The following DNA2 variants were observed in gnomAD, a reference collection of about 807,000 sequenced individuals.
DNA2 encodes the protein DNA replication helicase/nuclease 2.
A neutral mutation model predicts 119.1 loss-of-function variants in DNA2; 101 were observed. The ratio of observed to expected loss-of-function variants is 0.85; its 90% CI spans 0.72 to 1.00. The LOEUF (loss-of-function observed/expected upper bound fraction) is 1.00, where lower values mean the gene tolerates loss of function less well. Ranked by LOEUF, DNA2 falls within the 50% of genes least tolerant of loss-of-function variation. The probability of loss-of-function intolerance (pLI) is 0.00; values close to 1 mark genes in which losing one functional copy is unlikely to be tolerated. For synonymous variants in DNA2, 366 were observed against 424.4 expected, an observed-to-expected ratio of 0.86 and a Z score of 1.69; for missense variants, 1,121 against 1,255.5, an observed-to-expected ratio of 0.89 and a Z score of 1.62.
chr10:68,458,957 G>A (rs1171407317), intron 5 of DNA2, 147 bp downstream of exon 5: 1 of 636,656 alleles, frequency 1.6e-6, no homozygotes, highest in Non-Finnish European at 2.4e-6. Flanking sequence ...GTCATGGAAA[G>A]ATACTTAGGA....
chr10:68,459,362 A>C, intron 4 of DNA2, 127 bp from the exon 5 acceptor site: 1 of 931,552 alleles, frequency 1.1e-6, no homozygotes, highest in East Asian at 2.7e-5. Flanking sequence ...AAGCAACCCA[A>C]CTGTTCGTCA....
chr10:68,462,396 A>G (rs1397159536), intron 4 of DNA2, among the ~76,000 whole-genome samples: 1 of 152,228 alleles, frequency 6.6e-6, no homozygotes, highest in East Asian at 1.9e-4. Context: ...AAATGAATAT[A>G]CATGTTAATT....
At chr10:68,465,602 T>C (rs2052317402) in intron 4 of DNA2, 65 bp downstream of exon 4, 3 of 1,239,670 alleles carry the variant, frequency 2.4e-6, no homozygotes, top group East Asian at 5.0e-5. Flanking sequence ...ACAAATACTT[T>C]ATAGTTTCTA....
At chr10:68,442,823 T>G in intron 9 of DNA2, 94 bp downstream of exon 9, 1 of 1,044,536 alleles carries the variant, frequency 9.6e-7, no homozygotes, top group Non-Finnish European at 1.4e-6. Context: ...ATCTATAACA[T>G]GCTTCATAAC....
chr10:68,452,271 C>T (rs2052129022), intron 5 of DNA2, among the ~76,000 whole-genome samples: 2 of 151,896 alleles, frequency 1.3e-5, no homozygotes, highest in African/African-American at 2.4e-5. Context: ...TTTGCAGAGA[C>T]AGAGTCTACA....
chr10:68,452,048 C>T (rs2052125837), intron 5 of DNA2, among the ~76,000 whole-genome samples: 1 of 151,940 alleles, frequency 6.6e-6, no homozygotes, highest in Non-Finnish European at 1.5e-5. Flanking sequence ...GACAGTAGTG[C>T]AATTCAGAGA....
At chr10:68,469,471 C>T (rs1300579927) in intron 2 of DNA2, among the ~76,000 whole-genome samples, 1 of 146,882 alleles carries the variant, frequency 6.8e-6, no homozygotes, top group African/African-American at 2.5e-5. Flanking sequence ...ATTTTCTTTT[C>T]TTTTTTTTGA....
intron 19 of DNA2, among the ~76,000 whole-genome samples, chr10:68,417,652 CAAAA>C (rs575627007): frequency 8.8e-6 from 1 of 113,548 alleles, no homozygotes. Flanking sequence ...GATCTCATCT[CAAAA>C]AAAAAAAAAA....
intron 12 of DNA2, 103 bp downstream of exon 12, chr10:68,432,103 C>T: frequency 8.9e-7 from 1 of 1,119,524 alleles, no homozygotes; most frequent in Non-Finnish European, 1.3e-6. Flanking sequence ...GAGTCTTGGT[C>T]TAAACATTGT....
intron 14 of DNA2, among the ~76,000 whole-genome samples, chr10:68,425,789 A>G (rs1378370191): frequency 6.6e-6 from 1 of 151,558 alleles, no homozygotes; most frequent in African/African-American, 2.4e-5. Context: ...ATAAATAAAA[A>G]TGGGAAATGT....
At chr10:68,437,379 T>C (rs557238689) in intron 9 of DNA2, 138 bp from the exon 10 acceptor site, 4 of 724,842 alleles carry the variant, frequency 5.5e-6, no homozygotes, top group East Asian at 5.6e-5. Context: ...CTCACGCCTG[T>C]AATCCCAACA....
At chr10:68,423,037 G>T in intron 14 of DNA2, 147 bp from the exon 15 acceptor site, 1 of 588,108 alleles carries the variant, frequency 1.7e-6, no homozygotes, top group Non-Finnish European at 2.8e-6. Context: ...AATATTTATA[G>T]CATGCAAATT....
intron 5 of DNA2, among the ~76,000 whole-genome samples, chr10:68,452,144 A>G (rs1270727115): frequency 6.6e-6 from 1 of 152,054 alleles, no homozygotes; most frequent in Non-Finnish European, 1.5e-5. Flanking sequence ...GTGCAGTGGC[A>G]TGAACACGGC....
rs2051991122 is a variant in DNA2 at position 68,443,015 on chromosome 10, T to C, written c.1317A>G (p.Glu439=). ...ETQHLKQTHL[E]YFSLWCLMLT... ...ACATTAGACACCAAAGGCTGAAATA[T>C]TCTAAGTGTGTTTGCTTCAGATGCT... Residue 439 remains glutamate, a synonymous_variant, in exon 9 of 21, where the codon GAA becomes GAG. Transcript: ENST00000358410. 12 of 1,610,164 alleles carry C rather than the reference T, an allele frequency of 7.5e-6. No individual in the cohort carries two copies. The highest frequency in any genetic ancestry group is 1.3e-5 in the African/African-American group (1 of 74,914).
chr10:68,465,294 G>T (rs527749295), intron 4 of DNA2, among the ~76,000 whole-genome samples: 2 of 151,990 alleles, frequency 1.3e-5, no homozygotes, highest in Non-Finnish European at 2.9e-5. Flanking sequence ...TGGGATTACA[G>T]GCGTGAGCCA....
At position 68,419,690 on chromosome 10, in the gene DNA2, T is replaced by TC. The variant is rs573839001; in HGVS notation, c.2787+112dup. On this transcript the variant is annotated intron_variant, in intron 18 of 20. Transcript: ENST00000358410. ...CAAAATAAAAACAATGGGGCTTCAA[T>TC]CCCCCCCTTATCTTAATAAACGAGA... 1.5e-3 allele frequency: 1,091 copies of TC among 729,460 alleles called. 19 individuals carry two copies. The Admixed American group carries it at 0.022, about 15-fold the overall frequency. The allele number at this position is 729,460 out of a possible 1,614,324, so 45.2% of individuals were successfully genotyped here.
Position 68,419,851 on chromosome 10 carries a change from A to T in DNA2, c.2739T>A (p.Asn913Lys). ...PEQVEKGGVS[N>K]VTEAKLIVFL... Reference sequence around the variant, plus strand: ...AAACTATGAGTTTGGCTTCTGTTACATTGCTCACACCACCTTTTTCAACTT... The same window carrying T: ...AAACTATGAGTTTGGCTTCTGTTACTTTGCTCACACCACCTTTTTCAACTT... Residue 913 changes from asparagine (N) to lysine (K), a missense_variant, in exon 18 of 21, where the codon AAT (asparagine) becomes AAA (lysine). Physicochemically the swap from Asn to Lys is moderately conservative, Grantham distance 94. Coordinates refer to ENST00000358410, the MANE Select transcript of DNA2 (RefSeq NM_001080449.3). 1.2e-6 allele frequency: 2 copies of T among 1,613,938 alleles called. No homozygotes were observed. The highest frequency in any genetic ancestry group is 1.7e-6 in the Non-Finnish European group (2 of 1,179,876).
At chr10:68,416,318 T>C (rs1289403621) in intron 20 of DNA2, among the ~76,000 whole-genome samples, 3 of 151,888 alleles carry the variant, frequency 2.0e-5, no homozygotes, top group Non-Finnish European at 4.4e-5. Flanking sequence ...ATACAAAAAT[T>C]AGCTGGGCAT....
intron 7 of DNA2, 138 bp from the exon 8 acceptor site, chr10:68,445,221 T>C (rs956493614): frequency 2.5e-6 from 2 of 800,964 alleles, no homozygotes; most frequent in Non-Finnish European, 3.8e-6. Context: ...TCCCAACACT[T>C]GGGGAGGCTG....
Sources: gnomAD v4.1 joint callset for allele counts (sites outside exome capture counted in the v4.1 genomes callset) on GRCh38, gnomAD v4.1.1 for gene constraint, MANE v1.5 for transcripts, NCBI Gene and HGNC (gene_info 2026-07-23, HGNC 2026-07-21) for gene names.